The following LSR variants were observed in gnomAD, a reference collection of about 807,000 sequenced individuals.
The protein encoded by LSR is lipolysis-stimulated lipoprotein receptor.
In LSR, 44 loss-of-function variants were observed where a neutral mutation model predicts 61.8. The observed-to-expected ratio is 0.71, with a 90% CI of 0.56 to 0.91. The LOEUF (loss-of-function observed/expected upper bound fraction) is 0.91, where lower values mean the gene tolerates loss of function less well. Ranked by LOEUF, LSR falls within the 40% of genes least tolerant of loss-of-function variation. The pLI is 0.00. For synonymous variants in LSR, 397 were observed against 350.6 expected, an observed-to-expected ratio of 1.13 and a Z score of -1.48; for missense variants, 911 against 830.5, an observed-to-expected ratio of 1.10 and a Z score of -1.19.
chr19:35,256,814 T>G (rs2065862918), intron 2 of LSR, among the ~76,000 whole-genome samples: 1 of 152,052 alleles, frequency 6.6e-6, no homozygotes, highest in African/African-American at 2.4e-5. Context: ...GACTTTAGCA[T>G]GAGGAGAGGG....
rs772904994 is a variant in LSR at position 35,267,858 on chromosome 19, G to A, written c.1805G>A (p.Ter602=). The change falls in exon 10 of 10, where the codon TGA becomes TAA. Residue 602 remains the stop codon, a stop_retained_variant. Transcript: ENST00000605618. The part of the protein sequence containing the change: ...LALSRESLVV[*] ...CTGAGTCGGGAAAGTTTAGTCGTCTGATCTGACGTTTTCTACGTAGCTTTT... is the reference window on the plus strand; with the variant it reads ...CTGAGTCGGGAAAGTTTAGTCGTCTAATCTGACGTTTTCTACGTAGCTTTT... The A allele has an allele frequency of 5.0e-6, 8 of 1,613,780 alleles. No individual in the cohort carries two copies. The Admixed American group carries it at 1.2e-4, about 24-fold the overall frequency.
In LSR at chr19:35,267,701, C is replaced by G; in HGVS notation, c.1737C>G (p.Asp579Glu). The G allele has an allele frequency of 6.2e-7, 1 of 1,603,388 alleles. No homozygotes were observed. The highest frequency in any genetic ancestry group is 8.5e-7 in the Non-Finnish European group (1 of 1,175,756). The part of the protein sequence containing the change: ...PPAPPPYSET[D>E]SQASRERRLK... ...CGCCGCCCCCGTACTCGGAGACCGA[C>G]TCGCAGGCGTCCCGAGAGCGCAGGC... Residue 579 changes from aspartate (D) to glutamate (E), a missense_variant, in exon 9 of 10, where the codon GAC (aspartate) becomes GAG (glutamate). Physicochemically the swap from Asp to Glu is conservative, Grantham distance 45. Coordinates refer to ENST00000605618, the MANE Select transcript of LSR (RefSeq NM_205834.4).
intron 4 of LSR, 23 bp from the exon 5 acceptor site, chr19:35,262,523 C>T: frequency 6.2e-7 from 1 of 1,614,092 alleles, no homozygotes; most frequent in Non-Finnish European, 8.5e-7. Context: ...CCTCCGGGCT[C>T]AGGGCCTGTT....
At chr19:35,257,881 A>G (rs541706780) in intron 2 of LSR, among the ~76,000 whole-genome samples, 11 of 152,292 alleles carry the variant, frequency 7.2e-5, no homozygotes, top group African/African-American at 2.6e-4. Flanking sequence ...TGCTTCAGAC[A>G]AGAGCGTCCC....
intron 3 of LSR, 107 bp from the exon 4 acceptor site, chr19:35,261,818 C>G (rs1197025320): frequency 2.9e-6 from 2 of 687,958 alleles, no homozygotes; most frequent in Non-Finnish European, 4.6e-6. Flanking sequence ...CCCCTTCCCG[C>G]TTCAGGGCAC....
At chr19:35,259,195 C>T in intron 3 of LSR, 131 bp downstream of exon 3, 1 of 1,186,138 alleles carries the variant, frequency 8.4e-7, no homozygotes, top group Non-Finnish European at 1.2e-6. Flanking sequence ...TGCTCTCCCC[C>T]AGGCTCTGCC....
chr19:35,261,302 A>T (rs547983919), intron 3 of LSR, among the ~76,000 whole-genome samples: 23 of 149,582 alleles, frequency 1.5e-4, no homozygotes, highest in East Asian at 3.9e-4. Flanking sequence ...TTCCTGTTTT[A>T]AAAAAAATGT....
At position 35,258,938 on chromosome 19, in the gene LSR, G is replaced by A. The variant is rs1448295867; in HGVS notation, c.455-7G>A. 6.8e-6 allele frequency: 11 copies of A among 1,613,508 alleles called. No individual in the cohort carries two copies. Among genetic ancestry groups the A allele is most frequent in the South Asian group, 5.5e-5 (5 of 91,050 alleles). ...AGGTGCCCTCACGCCTTTTCATCCCGACTCAGATGCTGACCTGACCTTTGA... is the reference window on the plus strand; with the variant it reads ...AGGTGCCCTCACGCCTTTTCATCCCAACTCAGATGCTGACCTGACCTTTGA... On this transcript the variant is annotated splice_region_variant and splice_polypyrimidine_tract_variant and intron_variant, in intron 2 of 9. Transcript: ENST00000605618.
At chr19:35,255,437 C>T (rs2065844372) in intron 2 of LSR, among the ~76,000 whole-genome samples, 1 of 151,762 alleles carries the variant, frequency 6.6e-6, no homozygotes, top group African/African-American at 2.4e-5. Flanking sequence ...GTAGAGGGGC[C>T]CAGCACATAG....
At chr19:35,266,657 A>T (rs755838003) in intron 6 of LSR, 22 bp from the exon 7 acceptor site, 2 of 1,603,308 alleles carry the variant, frequency 1.2e-6, no homozygotes, top group East Asian at 4.5e-5. Flanking sequence ...GTGCGCGGCC[A>T]CTGACAGCCA....
In LSR at chr19:35,259,057, C is replaced by T. The variant is rs769876803; in HGVS notation, c.567C>T (p.Ile189=). ...QGNNEAYAEL[I]VLGRTSGVAE... Reference sequence around the variant, plus strand: ...ACAATGAGGCCTACGCAGAGCTCATCGTCCTTGGTGAGTGGGCCTGGGAAG... The same window carrying T: ...ACAATGAGGCCTACGCAGAGCTCATTGTCCTTGGTGAGTGGGCCTGGGAAG... Residue 189 remains isoleucine, a synonymous_variant, in exon 3 of 10, where the codon ATC becomes ATT. Coordinates refer to ENST00000605618, the MANE Select transcript of LSR (RefSeq NM_205834.4). 240 of 1,613,058 alleles carry T rather than the reference C, an allele frequency of 1.5e-4. No individual in the cohort carries two copies. Among genetic ancestry groups the T allele is most frequent in the Non-Finnish European group, 2.0e-4 (234 of 1,179,402 alleles).
intron 5 of LSR, among the ~76,000 whole-genome samples, chr19:35,265,462 C>G (rs964084426): frequency 6.6e-5 from 10 of 152,222 alleles, no homozygotes; most frequent in Non-Finnish European, 1.5e-4. Context: ...TGCAGGCTGC[C>G]TGAGCTAATG....
chr19:35,266,732 G>A lies in LSR; in HGVS notation c.1006G>A (p.Ala336Thr). The change falls in exon 7 of 10, where the codon GCC becomes ACC. Residue 336 changes from alanine (A) to threonine (T), a missense_variant. Coordinates refer to ENST00000605618, the MANE Select transcript of LSR (RefSeq NM_205834.4). ...GCTTCGGGACACGGACAGCAGTGTG[G>A]CCTCTGGTGAGAATCCATCGTCCCG... is the stretch of plus-strand genomic sequence containing the variant. ...PLLRDTDSSV[A>T]SEVRSGYRIQ... 6.2e-7 allele frequency: 1 copy of A among 1,608,960 alleles called. No individual in the cohort carries two copies. Among genetic ancestry groups the A allele is most frequent in the Non-Finnish European group, 8.5e-7 (1 of 1,178,022 alleles).
chr19:35,257,602 C>T (rs1334337218), intron 2 of LSR, among the ~76,000 whole-genome samples: 1 of 152,076 alleles, frequency 6.6e-6, no homozygotes, highest in Non-Finnish European at 1.5e-5. Flanking sequence ...AGCTGTCATG[C>T]AGGAGGGCAG....
At position 35,258,958 on chromosome 19, in the gene LSR, C is replaced by A; in HGVS notation, c.468C>A (p.Thr156=). 1 of 1,613,984 alleles carries A rather than the reference C, an allele frequency of 6.2e-7. No homozygotes were observed. The highest frequency in any genetic ancestry group is 1.1e-5 in the South Asian group (1 of 91,086). Residue 156 remains threonine, a synonymous_variant, in exon 3 of 10, where the codon ACC becomes ACA. Transcript: ENST00000605618. The part of the protein sequence containing the change: ...RITITGNADL[T]FDQTAWGDSG... ...ATCCCGACTCAGATGCTGACCTGAC[C>A]TTTGACCAGACGGCGTGGGGGGACA...
At position 35,258,955 on chromosome 19, in the gene LSR, G is replaced by C; in HGVS notation, c.465G>C (p.Leu155=). The C allele has an allele frequency of 6.2e-7, 1 of 1,613,946 alleles. No individual in the cohort carries two copies. The highest frequency in any genetic ancestry group is 8.5e-7 in the Non-Finnish European group (1 of 1,179,984). Residue 155 remains leucine (L), a synonymous_variant, in exon 3 of 10, where the codon CTG becomes CTC. Coordinates refer to ENST00000605618, the MANE Select transcript of LSR (RefSeq NM_205834.4). ...TTCATCCCGACTCAGATGCTGACCT[G>C]ACCTTTGACCAGACGGCGTGGGGGG... The part of the protein sequence containing the change: ...RRITITGNAD[L]TFDQTAWGDS...
chr19:35,258,688 C>T (rs2065886101), intron 2 of LSR, among the ~76,000 whole-genome samples: 1 of 152,134 alleles, frequency 6.6e-6, no homozygotes, highest in African/African-American at 2.4e-5. Flanking sequence ...CTTTTCCAGA[C>T]CCGAAATGTC....
intron 5 of LSR, among the ~76,000 whole-genome samples, chr19:35,265,096 TC>T (rs2065979684): frequency 6.6e-6 from 1 of 152,140 alleles, no homozygotes; most frequent in African/African-American, 2.4e-5. Flanking sequence ...AAGGATCACT[TC>T]CCTGAAAAAA....
chr19:35,262,547 C>T lies in LSR; in HGVS notation c.633C>T (p.Asp211=), dbSNP rs542125286. 1 of 1,614,212 alleles carries T rather than the reference C, an allele frequency of 6.2e-7. No homozygotes were observed. The highest frequency in any genetic ancestry group is 1.3e-5 in the African/African-American group (1 of 75,074). ...TCAGGGCCTGTTGTCTTTCTGCAGA[C>T]TGGCTCTTCGTGGTTGTGGTATGCC... ...LPGFQAGPIE[D]WLFVVVVCLA... Residue 211 remains aspartate (D), a splice_region_variant and synonymous_variant, in exon 5 of 10, where the codon GAC becomes GAT. Coordinates refer to ENST00000605618, the MANE Select transcript of LSR (RefSeq NM_205834.4).
Sources: gnomAD v4.1 joint callset for allele counts (sites outside exome capture counted in the v4.1 genomes callset) on GRCh38, gnomAD v4.1.1 for gene constraint, MANE v1.5 for transcripts, NCBI Gene and HGNC (gene_info 2026-07-23, HGNC 2026-07-21) for gene names.